Variants in GPR158 observed in about 807,000 individuals in gnomAD.
GPR158 encodes the protein metabotropic glycine receptor.
Under a neutral mutation model 78.2 loss-of-function variants are expected in GPR158, and 30 were observed. The observed-to-expected ratio is 0.38, with a 90% CI of 0.29 to 0.52. The LOEUF is 0.52. Ranked by LOEUF, GPR158 falls within the 20% of genes least tolerant of loss-of-function variation. The pLI is 0.83. For missense variants in GPR158, 1,463 were observed against 1,523.5 expected (o/e 0.96, Z 0.66); for synonymous variants, 581 against 591.1 (o/e 0.98, Z 0.25).
intron 1 of GPR158, among the ~76,000 whole-genome samples, chr10:25,198,503 G>A (rs759090715): frequency 1.3e-5 from 2 of 152,108 alleles, no homozygotes; most frequent in Non-Finnish European, 2.9e-5. Flanking sequence ...TGAAATTATG[G>A]ATAGTTACAT....
intron 2 of GPR158, among the ~76,000 whole-genome samples, chr10:25,230,983 T>C (rs1853439918): frequency 6.6e-6 from 1 of 152,198 alleles, no homozygotes; most frequent in Admixed American, 6.5e-5. Flanking sequence ...TAAGATTTTA[T>C]ACCTAGTATA....
chr10:25,372,457 C>G (rs1169815066), intron 2 of GPR158, among the ~76,000 whole-genome samples: 1 of 143,674 alleles, frequency 7.0e-6, no homozygotes, highest in African/African-American at 2.6e-5. Context: ...TGGAACCAAC[C>G]CAAATGTCCA....
intron 2 of GPR158, among the ~76,000 whole-genome samples, chr10:25,285,225 A>G (rs1854333710): frequency 6.6e-6 from 1 of 152,056 alleles, no homozygotes; most frequent in Non-Finnish European, 1.5e-5. Context: ...TGAGATATAG[A>G]TACATATCTC....
chr10:25,316,880 T>C (rs1217879506), intron 2 of GPR158, among the ~76,000 whole-genome samples: 10 of 137,020 alleles, frequency 7.3e-5, no homozygotes, highest in Middle Eastern at 3.7e-3. Context: ...TATATGTATG[T>C]ATGTATTTGT....
At chr10:25,435,245 G>C (rs1219374006) in intron 4 of GPR158, among the ~76,000 whole-genome samples, 1 of 152,118 alleles carries the variant, frequency 6.6e-6, no homozygotes, top group Non-Finnish European at 1.5e-5. Flanking sequence ...GTAAAGACAA[G>C]TGAGTATATA....
At chr10:25,227,996 A>T (rs1282040128) in intron 2 of GPR158, among the ~76,000 whole-genome samples, 241 of 152,332 alleles carry the variant, frequency 1.6e-3, no homozygotes, top group Middle Eastern at 3.4e-3. Context: ...TTTTGACAAT[A>T]TGGTAAAAAT....
chr10:25,509,418 C>T (rs1339630408), intron 5 of GPR158, among the ~76,000 whole-genome samples: 1 of 152,138 alleles, frequency 6.6e-6, no homozygotes, highest in Non-Finnish European at 1.5e-5. Flanking sequence ...GTCAATAATT[C>T]TGACAAGCTA....
At chr10:25,266,633 CT>C (rs907711534) in intron 2 of GPR158, among the ~76,000 whole-genome samples, 12 of 150,776 alleles carry the variant, frequency 8.0e-5, no homozygotes, top group Non-Finnish European at 1.2e-4. Flanking sequence ...AAGCTGTTTC[CT>C]TTTTTTTTGT....
At chr10:25,236,011 T>C (rs1384142031) in intron 2 of GPR158, among the ~76,000 whole-genome samples, 1 of 152,104 alleles carries the variant, frequency 6.6e-6, no homozygotes, top group African/African-American at 2.4e-5. Flanking sequence ...AGTACATTCT[T>C]CATAAATGTT....
At chr10:25,336,371 A>G (rs1165543132) in intron 2 of GPR158, among the ~76,000 whole-genome samples, 1 of 152,036 alleles carries the variant, frequency 6.6e-6, no homozygotes, top group Non-Finnish European at 1.5e-5. Flanking sequence ...CTTTATTGTG[A>G]TTCAGTTGGC....
intron 7 of GPR158, among the ~76,000 whole-genome samples, chr10:25,578,966 G>A (rs1008621352): frequency 6.6e-6 from 1 of 152,018 alleles, no homozygotes; most frequent in Middle Eastern, 3.4e-3. Context: ...CCAAGATCAC[G>A]CCACTGCACT....
At chr10:25,395,333 A>G (rs1834351263) in intron 2 of GPR158, among the ~76,000 whole-genome samples, 1 of 152,168 alleles carries the variant, frequency 6.6e-6, no homozygotes, top group African/African-American at 2.4e-5. Context: ...GCCCTGGAAT[A>G]ATTAATTCAT....
intron 5 of GPR158, among the ~76,000 whole-genome samples, chr10:25,542,548 C>T (rs1412740999): frequency 3.3e-5 from 5 of 152,046 alleles, no homozygotes; most frequent in Admixed American, 6.6e-5. Flanking sequence ...ATGGGCCAGG[C>T]GCAGTGGCTC....
chr10:25,348,478 A>C (rs1855406033), intron 2 of GPR158, among the ~76,000 whole-genome samples: 1 of 151,660 alleles, frequency 6.6e-6, no homozygotes, highest in South Asian at 2.1e-4. Context: ...TAAGTATCAT[A>C]ATTTTGCATA....
rs186626406 is a variant in GPR158 at position 25,407,093 on chromosome 10, C to T, written c.1112-5157C>T. On this transcript the variant is annotated intron_variant, in intron 3 of 10. Coordinates refer to ENST00000376351, the MANE Select transcript of GPR158 (RefSeq NM_020752.3). ...GAATAACTTATTTTTATATTTTACA[C>T]CTTCTTTTAGGAGTCGTCTCCCAAA... Among the ~76,000 whole-genome samples the T allele has an allele frequency of 7.9e-5, 12 of 152,264 alleles. No homozygotes were observed. In the East Asian group the frequency reaches 2.1e-3, roughly 27 times the overall value.
At chr10:25,426,820 T>C (rs1288936945) in intron 4 of GPR158, among the ~76,000 whole-genome samples, 5 of 152,038 alleles carry the variant, frequency 3.3e-5, no homozygotes, top group Admixed American at 6.6e-5. Context: ...AGAGATTTGC[T>C]TGATGCAAGG....
intron 2 of GPR158, among the ~76,000 whole-genome samples, chr10:25,318,023 C>A (rs917649573): frequency 6.6e-6 from 1 of 152,066 alleles, no homozygotes; most frequent in Non-Finnish European, 1.5e-5. Flanking sequence ...GTGCCTGGCC[C>A]ATAAAGTACT....
chr10:25,581,885 A>T (rs1246488930), intron 7 of GPR158, among the ~76,000 whole-genome samples: 1 of 152,196 alleles, frequency 6.6e-6, no homozygotes, highest in Non-Finnish European at 1.5e-5. Context: ...GAGACTGGGT[A>T]ATTTACTTAA....
chr10:25,491,545 AC>A (rs1835808962), intron 5 of GPR158, among the ~76,000 whole-genome samples: 1 of 152,224 alleles, frequency 6.6e-6, no homozygotes, highest in Non-Finnish European at 1.5e-5. Flanking sequence ...CTTCAAATAT[AC>A]ATTTCTTAAA....
Sources: allele counts gnomAD v4.1 joint callset (sites outside exome capture counted in the v4.1 genomes callset), GRCh38; gene constraint gnomAD v4.1.1; transcripts MANE v1.5; gene names NCBI Gene and HGNC (gene_info 2026-07-23, HGNC 2026-07-21).